SLC39A11: variants seen among roughly 807,000 people sequenced by gnomAD.
SLC39A11 encodes solute carrier family 39 member 11.
SLC39A11 carries 33 observed loss-of-function variants against 36.1 expected under a neutral mutation model. The ratio of observed to expected loss-of-function variants is 0.91; its 90% CI spans 0.69 to 1.22. The LOEUF (loss-of-function observed/expected upper bound fraction) is 1.22. SLC39A11 is among the 50% of genes most tolerant of loss of function. The pLI is 0.00. For missense variants in SLC39A11, 432 were observed against 430.3 expected (o/e 1.00, Z -0.03); for synonymous variants, 166 against 170.3 (o/e 0.97, Z 0.20).
chr17:72,962,483 G>A (rs572187184), intron 4 of SLC39A11, among the ~76,000 whole-genome samples: 19 of 152,174 alleles, frequency 1.2e-4, no homozygotes, highest in Admixed American at 2.6e-4. Flanking sequence ...GCTGGCTTCA[G>A]GCTGGTGACC....
chr17:72,993,978 G>A (rs537345983), intron 4 of SLC39A11, among the ~76,000 whole-genome samples: 8 of 152,204 alleles, frequency 5.3e-5, no homozygotes, highest in South Asian at 2.1e-4. Flanking sequence ...GGTGTTTCCC[G>A]TGCTATTCTC....
At chr17:72,769,415 T>G (rs1309654001) in intron 6 of SLC39A11, among the ~76,000 whole-genome samples, 1 of 152,156 alleles carries the variant, frequency 6.6e-6, no homozygotes, top group East Asian at 1.9e-4. Context: ...TGGATGAACC[T>G]TGTGAAAGGA....
intron 4 of SLC39A11, among the ~76,000 whole-genome samples, chr17:72,989,079 T>C (rs1458867974): frequency 2.0e-5 from 3 of 152,172 alleles, no homozygotes; most frequent in Non-Finnish European, 4.4e-5. Context: ...GTTCTAGAAA[T>C]CTGCTTCACA....
intron 4 of SLC39A11, among the ~76,000 whole-genome samples, chr17:73,029,058 C>T (rs1316068726): frequency 3.3e-5 from 5 of 150,048 alleles, no homozygotes; most frequent in East Asian, 2.0e-4. Flanking sequence ...GTGGAGGTTG[C>T]GGTGAGCCAA....
rs560514114 is a variant in SLC39A11 at position 72,864,306 on chromosome 17, C to T, written c.431-14502G>A. ...CAAATCAGAGACAGAATATAAGCAT[C>T]GGCTTTTTTTTTTTTTTTTTCCTAG... On this transcript the variant is annotated intron_variant, in intron 5 of 9. Transcript: ENST00000255559. Among the ~76,000 whole-genome samples the T allele has an allele frequency of 6.8e-4, 101 of 147,588 alleles. No individual in the cohort carries two copies. The South Asian group carries it at 7.4e-3, about 11-fold the overall frequency.
chr17:73,003,755 T>C (rs1049392056), intron 4 of SLC39A11, among the ~76,000 whole-genome samples: 5 of 152,070 alleles, frequency 3.3e-5, no homozygotes, highest in Non-Finnish European at 7.4e-5. Context: ...GGATAATCAC[T>C]ATAGATTTCA....
chr17:72,798,367 A>G (rs1464484511), intron 6 of SLC39A11, among the ~76,000 whole-genome samples: 1 of 150,728 alleles, frequency 6.6e-6, no homozygotes, highest in Admixed American at 6.6e-5. Flanking sequence ...GTGTCCTCAC[A>G]TGGTGAACAG....
chr17:72,668,621 C>T (rs764120604), intron 7 of SLC39A11, among the ~76,000 whole-genome samples: 1 of 152,170 alleles, frequency 6.6e-6, no homozygotes, highest in Non-Finnish European at 1.5e-5. Flanking sequence ...GAGAGCACAA[C>T]CACAGCTATG....
intron 7 of SLC39A11, among the ~76,000 whole-genome samples, chr17:72,683,672 C>T (rs11077628): frequency 0.027 from 4,176 of 152,048 alleles, 57 homozygotes; most frequent in Middle Eastern, 0.054. Context: ...GGATTACACA[C>T]CCAATACTTG....
chr17:73,005,534 G>T (rs1313825254), intron 4 of SLC39A11, among the ~76,000 whole-genome samples: 1 of 152,204 alleles, frequency 6.6e-6, no homozygotes, highest in Non-Finnish European at 1.5e-5. Flanking sequence ...AGGATGGGCT[G>T]GGCTCTGCTG....
rs559315785 is a variant in SLC39A11 at position 72,773,227 on chromosome 17, C to G, written c.602-36508G>C. 3.9e-4 allele frequency among the ~76,000 whole-genome samples: 59 copies of G among 152,300 alleles called. 1 individual carries two copies. The South Asian group carries it at 0.011, about 28-fold the overall frequency. On this transcript the variant is annotated intron_variant, in intron 6 of 9. Coordinates refer to ENST00000255559, the MANE Select transcript of SLC39A11 (RefSeq NM_139177.4). ...CCAGAGAGGCATGGTTTAGCCACAG[C>G]CTGGTTCACCACTCTGAAATGTATC...
intron 3 of SLC39A11, among the ~76,000 whole-genome samples, chr17:73,047,990 A>AAAAAAAAAATAT (rs1555693446): frequency 3.4e-5 from 2 of 58,674 alleles, no homozygotes; most frequent in Non-Finnish European, 6.0e-5. Flanking sequence ...AAAAAAAAAA[A>AAAAAAAAAATAT]ATATATATAT....
At chr17:73,090,079 G>A (rs1049586218) in intron 1 of SLC39A11, among the ~76,000 whole-genome samples, 1 of 152,148 alleles carries the variant, frequency 6.6e-6, no homozygotes, top group Non-Finnish European at 1.5e-5. Flanking sequence ...AACCACACTG[G>A]GCTCAGCCCT....
intron 6 of SLC39A11, among the ~76,000 whole-genome samples, chr17:72,831,745 C>G (rs1032706481): frequency 6.6e-6 from 1 of 152,310 alleles, no homozygotes; most frequent in African/African-American, 2.4e-5. Context: ...TGAGATTCTT[C>G]TCCTTGTTCA....
intron 7 of SLC39A11, among the ~76,000 whole-genome samples, chr17:72,685,644 C>T (rs1158955617): frequency 6.6e-6 from 1 of 152,218 alleles, no homozygotes; most frequent in Non-Finnish European, 1.5e-5. Context: ...CCATGCAACA[C>T]ACAGATGCAA....
intron 4 of SLC39A11, among the ~76,000 whole-genome samples, chr17:72,951,107 A>AAAC (rs112937948): frequency 5.7e-4 from 86 of 151,020 alleles, no homozygotes; most frequent in East Asian, 5.7e-3. Flanking sequence ...TAAAAAAAAA[A>AAAC]AAAATTAGCC....
intron 6 of SLC39A11, among the ~76,000 whole-genome samples, chr17:72,816,158 T>C (rs554626571): frequency 6.6e-6 from 1 of 152,324 alleles, no homozygotes; most frequent in East Asian, 1.9e-4. Context: ...CTGAGGAAAG[T>C]TCCTGAAGGT....
chr17:72,776,610 G>GAAAA lies in SLC39A11; in HGVS notation c.602-39895_602-39892dup, dbSNP rs34044701. 2.7e-4 allele frequency among the ~76,000 whole-genome samples: 32 copies of GAAAA among 119,844 alleles called. 3 individuals carry two copies. The highest frequency in any genetic ancestry group is 3.8e-4 in the Non-Finnish European group (23 of 60,378). 78.6% of individuals were successfully genotyped at this position (119,844 alleles called of 152,430 possible). A position where few individuals can be genotyped will look rare whatever the true frequency, so the allele number is the denominator to read the frequency against. ...GTTTATAAATAAAATACTTTGCATG[G>GAAAA]AAAAAAAAAAAAAAAAAAACAGAAG... On this transcript the variant is annotated intron_variant, in intron 6 of 9. Transcript: ENST00000255559.
intron 5 of SLC39A11, among the ~76,000 whole-genome samples, chr17:72,934,027 A>G (rs1410074712): frequency 6.6e-6 from 1 of 152,054 alleles, no homozygotes; most frequent in African/African-American, 2.4e-5. Context: ...TTTAACATCC[A>G]TATGAAAAAA....
Sources: allele counts gnomAD v4.1 joint callset (sites outside exome capture counted in the v4.1 genomes callset), GRCh38; gene constraint gnomAD v4.1.1; transcripts MANE v1.5; gene names NCBI Gene and HGNC (gene_info 2026-07-23, HGNC 2026-07-21).